ZAN: variants seen among roughly 807,000 people sequenced by gnomAD.
The protein encoded by ZAN is zonadhesin (gene/pseudogene).
ZAN carries 260 observed loss-of-function variants against 286.2 expected under a neutral mutation model. That is an observed-to-expected ratio of 0.91 (90% CI 0.82 to 1.01). The LOEUF (loss-of-function observed/expected upper bound fraction) is 1.01, where lower values mean the gene tolerates loss of function less well. Among genes scored for constraint, ZAN ranks in the 50% least tolerant of loss-of-function variants. The probability of loss-of-function intolerance (pLI) is 0.00; values close to 1 mark genes in which losing one functional copy is unlikely to be tolerated. For missense variants in ZAN, 3,410 were observed against 3,639.2 expected (o/e 0.94, Z 1.62); for synonymous variants, 1,368 against 1,417.5 (o/e 0.97, Z 0.79).
chr7:100,754,255 G>A (rs765307698), intron 14 of ZAN, among the ~76,000 whole-genome samples: 2 of 151,884 alleles, frequency 1.3e-5, no homozygotes, highest in Admixed American at 6.6e-5. Flanking sequence ...TCAGGAGATC[G>A]AGACCATCCT....
chr7:100,754,021 T>C (rs116621402), intron 14 of ZAN, among the ~76,000 whole-genome samples: 2,020 of 152,154 alleles, frequency 0.013, 51 homozygotes, highest in African/African-American at 0.045. Context: ...TTCTTTCCTA[T>C]ATCCATGGAT....
chr7:100,744,282 C>T (rs1195271239), intron 7 of ZAN, among the ~76,000 whole-genome samples: 1 of 151,086 alleles, frequency 6.6e-6, no homozygotes, highest in Non-Finnish European at 1.5e-5. Context: ...TCTGATCTTT[C>T]CTGCTGCCTA....
chr7:100,767,900 A>C lies in ZAN; in HGVS notation c.4930A>C (p.Asn1644His). 6.2e-7 allele frequency: 1 copy of C among 1,613,934 alleles called. No individual in the cohort carries two copies. Among genetic ancestry groups the C allele is most frequent in the Non-Finnish European group, 8.5e-7 (1 of 1,179,860 alleles). Residue 1644 changes from asparagine to histidine, a missense_variant, in exon 26 of 48, where the codon AAC (asparagine) becomes CAC (histidine). Asn to His is a moderately conservative substitution (Grantham distance 68). Around this residue, in one of 7 missense-constraint regions of ZAN, gnomAD observed 1,042 missense variants for 1,058.0 expected, o/e 0.98. Coordinates refer to ENST00000613979, the MANE Select transcript of ZAN (RefSeq NM_003386.3). Reference protein sequence around the residue: ...QGRVTIRLSSNLVLLYTNFGL... With the variant: ...QGRVTIRLSSHLVLLYTNFGL... ...CCGGGTGACCATAAGGCTCAGCAGCAACCTCGTCCTCCTCTACACGAACTT... is the reference window on the plus strand; with the variant it reads ...CCGGGTGACCATAAGGCTCAGCAGCCACCTCGTCCTCCTCTACACGAACTT...
At chr7:100,735,578 A>AAAAAAAG in intron 2 of ZAN, 142 bp from the exon 3 acceptor site, 1 of 634,506 alleles carries the variant, frequency 1.6e-6, no homozygotes, top group Non-Finnish European at 2.6e-6. Flanking sequence ...AGAAAAAAAG[A>AAAAAAAG]AAAAAAGTCA....
At chr7:100,792,245 G>T in intron 41 of ZAN, 97 bp downstream of exon 41, 1 of 1,496,000 alleles carries the variant, frequency 6.7e-7, no homozygotes. Context: ...AGCTCTGTGT[G>T]GTTCACTCCT....
intron 8 of ZAN, 148 bp downstream of exon 8, chr7:100,746,850 A>AG (rs1187167639): frequency 9.4e-7 from 1 of 1,068,174 alleles, no homozygotes; most frequent in Admixed American, 2.4e-5. Context: ...CATGGCTGGG[A>AG]GGGCACTTTG....
At chr7:100,751,650 C>T (rs1206453352) in intron 13 of ZAN, 62 bp from the exon 14 acceptor site, 9 of 1,504,796 alleles carry the variant, frequency 6.0e-6, no homozygotes, top group Non-Finnish European at 5.3e-6. Context: ...AGTTAGATGG[C>T]AGTAAAGAGG....
At chr7:100,797,327 C>T in intron 45 of ZAN, 39 bp from the exon 46 acceptor site, 1 of 1,600,518 alleles carries the variant, frequency 6.2e-7, no homozygotes, top group Non-Finnish European at 8.6e-7. Context: ...CCCTTCCCGT[C>T]TCACGTTCGA....
Position 100,750,903 on chromosome 7 carries a change from G to A in ZAN, c.1521+7G>A, listed in dbSNP as rs775556790. On this transcript the variant is annotated splice_region_variant and intron_variant, in intron 12 of 47. Coordinates refer to ENST00000613979, the MANE Select transcript of ZAN (RefSeq NM_003386.3). ...ACACCAACAGCCCATGCAGGTGAGA[G>A]ACGGAGGCGGGGGTCCTGTCTGTGT... is the stretch of plus-strand genomic sequence containing the variant. 2.3e-5 allele frequency: 35 copies of A among 1,533,902 alleles called. No homozygotes were observed. Among genetic ancestry groups the A allele is most frequent in the Admixed American group, 4.0e-5 (2 of 49,866 alleles).
chr7:100,735,602 C>T, intron 2 of ZAN, 118 bp from the exon 3 acceptor site: 1 of 742,834 alleles, frequency 1.3e-6, no homozygotes, highest in East Asian at 3.1e-5. Context: ...CAGACACATT[C>T]ACTGCATAAA....
At chr7:100,755,505 G>T in intron 15 of ZAN, 95 bp downstream of exon 15, 3 of 1,412,156 alleles carry the variant, frequency 2.1e-6, no homozygotes, top group Non-Finnish European at 1.9e-6. Context: ...AGGCAACAGG[G>T]ATCACCGGAT....
At chr7:100,745,316 A>C (rs1424374581) in intron 7 of ZAN, among the ~76,000 whole-genome samples, 1 of 151,034 alleles carries the variant, frequency 6.6e-6, no homozygotes, top group Non-Finnish European at 1.5e-5. Context: ...GCCGCTCAGG[A>C]TCCCACCTTC....
In ZAN at chr7:100,759,798, A is replaced by G; in HGVS notation, c.3649A>G (p.Thr1217Ala). 6.2e-7 allele frequency: 1 copy of G among 1,609,388 alleles called. No individual in the cohort carries two copies. The highest frequency in any genetic ancestry group is 8.5e-7 in the Non-Finnish European group (1 of 1,178,340). The change falls in exon 18 of 48, where the codon ACC (threonine) becomes GCC (alanine). Residue 1217 changes from threonine (T) to alanine (A), a missense_variant. By Grantham distance (58) the Thr-to-Ala change is moderately conservative. Transcript: ENST00000613979. ...GVSCLSKVYV[T>A]LPESTVTLLK... ...GTCCTGCCTGAGCAAAGTCTACGTG[A>G]CCCTGCCCGAGAGCACCGTCACCCT...
chr7:100,764,030 ATGCC>A lies in ZAN; in HGVS notation c.4105_4108del (p.Leu1369CysfsTer3). 3.7e-6 allele frequency: 6 copies of A among 1,613,840 alleles called. No individual in the cohort carries two copies. The highest frequency in any genetic ancestry group is 5.1e-6 in the Non-Finnish European group (6 of 1,179,834). On this transcript the variant is annotated frameshift_variant, in exon 22 of 48. Coordinates refer to ENST00000613979, the MANE Select transcript of ZAN (RefSeq NM_003386.3). LOFTEE classifies it high-confidence loss of function. ...CTGACTTGGTCACTCCCCTCAGGAC[ATGCC>A]TGCTGCACGTGAAGGCCGCTTCCTT...
intron 33 of ZAN, among the ~76,000 whole-genome samples, chr7:100,776,086 G>T (rs1810761213): frequency 1.3e-5 from 2 of 152,194 alleles, no homozygotes; most frequent in South Asian, 4.1e-4. Context: ...GGCCGAGGCA[G>T]GTGGGTCACC....
chr7:100,784,615 A>G lies in ZAN; in HGVS notation c.6623-8A>G. On this transcript the variant is annotated splice_polypyrimidine_tract_variant and splice_region_variant and intron_variant, in intron 35 of 47. Transcript: ENST00000613979. The stretch of plus-strand genomic sequence containing the variant: ...TCTCCACTGACCCACTGTCTCCTTC[A>G]CCCACAGCTCTGGAATGCCCTGCCT... The G allele has an allele frequency of 6.2e-7, 1 of 1,612,870 alleles. No individual in the cohort carries two copies. The highest frequency in any genetic ancestry group is 8.5e-7 in the Non-Finnish European group (1 of 1,179,648).
rs1811782049 is a variant in ZAN at position 100,789,291 on chromosome 7, T to C, written c.7301T>C (p.Leu2434Pro). The C allele has an allele frequency of 6.2e-7, 1 of 1,613,920 alleles. No individual in the cohort carries two copies. The highest frequency in any genetic ancestry group is 1.7e-4 in the Middle Eastern group (1 of 6,054). Reference sequence around the variant, plus strand: ...CGGGTCACCCTGTGGGGCCAACGGCTCTACCTGGTCACCGACTTTGAGCTG... The same window carrying C: ...CGGGTCACCCTGTGGGGCCAACGGCCCTACCTGGTCACCGACTTTGAGCTG... ...HLRVTLWGQR[L>P]YLVTDFELVV... Residue 2434 changes from leucine (L) to proline (P), a missense_variant, in exon 39 of 48, where the codon CTC becomes CCC. Physicochemically the swap from Leu to Pro is moderately conservative, Grantham distance 98. Around this residue, in one of 7 missense-constraint regions of ZAN, gnomAD observed 1,289 missense variants for 1,314.3 expected, o/e 0.98. Transcript: ENST00000613979.
intron 7 of ZAN, 51 bp from the exon 8 acceptor site, chr7:100,746,487 C>T: frequency 6.2e-7 from 1 of 1,600,662 alleles, no homozygotes; most frequent in Non-Finnish European, 8.5e-7. Flanking sequence ...TCTCTGCTGC[C>T]ATCTTCCCTC....
At chr7:100,761,707 G>A (rs1809592678) in intron 19 of ZAN, among the ~76,000 whole-genome samples, 1 of 151,848 alleles carries the variant, frequency 6.6e-6, no homozygotes, top group Admixed American at 6.6e-5. Context: ...AGCACTCTGG[G>A]AGGCCAAGGC....
Sources: gnomAD v4.1 joint callset for allele counts (sites outside exome capture counted in the v4.1 genomes callset) on GRCh38, gnomAD v4.1.1 for gene constraint, gnomAD v4.1.1 regional missense constraint, MANE v1.5 for transcripts, NCBI Gene and HGNC (gene_info 2026-07-23, HGNC 2026-07-21) for gene names.